The following BICD1 variants were observed in gnomAD, a reference collection of about 807,000 sequenced individuals.
The protein encoded by BICD1 is protein bicaudal D homolog 1.
BICD1 carries 35 observed loss-of-function variants against 92.5 expected under a neutral mutation model. That is an observed-to-expected ratio of 0.38 (90% CI 0.29 to 0.50). The LOEUF (loss-of-function observed/expected upper bound fraction) is 0.50, where lower values mean the gene tolerates loss of function less well. BICD1 is among the 20% of genes least tolerant of loss of function. BICD1 has a pLI of 0.93. For missense variants in BICD1, 950 were observed against 1,189.8 expected, an observed-to-expected ratio of 0.80 and a Z score of 2.97; for synonymous variants, 429 against 465.1, an observed-to-expected ratio of 0.92 and a Z score of 1.00.
chr12:32,145,403 T>C (rs898005872), intron 1 of BICD1, among the ~76,000 whole-genome samples: 3 of 152,228 alleles, frequency 2.0e-5, no homozygotes, highest in Non-Finnish European at 4.4e-5. Context: ...CCTATTTCTT[T>C]TTTCTTTTGA....
intron 1 of BICD1, among the ~76,000 whole-genome samples, chr12:32,190,370 G>C (rs1944532847): frequency 6.6e-6 from 1 of 152,138 alleles, no homozygotes; most frequent in Non-Finnish European, 1.5e-5. Flanking sequence ...TAGACTTAAG[G>C]ACATACATAG....
At chr12:32,327,073 G>A (rs261890) in intron 4 of BICD1, among the ~76,000 whole-genome samples, 91,433 of 151,888 alleles carry the variant, frequency 0.6, 28,108 homozygotes, top group Middle Eastern at 0.69. Flanking sequence ...AGTCACTTAT[G>A]ATCTGAAAAG....
At chr12:32,234,179 G>T (rs1385326310) in intron 2 of BICD1, among the ~76,000 whole-genome samples, 1 of 152,070 alleles carries the variant, frequency 6.6e-6, no homozygotes, top group Non-Finnish European at 1.5e-5. Context: ...ATCTCATAAG[G>T]CAGGCTATAT....
intron 2 of BICD1, among the ~76,000 whole-genome samples, chr12:32,253,488 T>G (rs1946620307): frequency 6.6e-6 from 1 of 151,294 alleles, no homozygotes; most frequent in Non-Finnish European, 1.5e-5. Flanking sequence ...AGGCCGTGGA[T>G]TCTTTTTTTT....
chr12:32,334,440 A>G (rs1370173495), intron 5 of BICD1, 76 bp from the exon 6 acceptor site: 67 of 1,386,472 alleles, frequency 4.8e-5, no homozygotes, highest in Non-Finnish European at 6.2e-5. Flanking sequence ...AGAACATAAT[A>G]GGCACAGCAT....
chr12:32,178,216 G>C (rs114639501), intron 1 of BICD1, among the ~76,000 whole-genome samples: 1 of 151,880 alleles, frequency 6.6e-6, no homozygotes. Context: ...ATTTGTCACC[G>C]TCAGAGCTCA....
intron 2 of BICD1, among the ~76,000 whole-genome samples, chr12:32,280,065 G>A (rs145937379): frequency 0.033 from 5,010 of 151,944 alleles, 278 homozygotes; most frequent in African/African-American, 0.11. Flanking sequence ...GCCATTGCAC[G>A]CCAGCCTGGG....
intron 4 of BICD1, among the ~76,000 whole-genome samples, chr12:32,317,248 T>G (rs1365985970): frequency 6.6e-6 from 1 of 152,146 alleles, no homozygotes; most frequent in Non-Finnish European, 1.5e-5. Flanking sequence ...GGTCAAATGG[T>G]ATTTCTAGTT....
At chr12:32,376,879 G>A (rs1485707616) in intron 9 of BICD1, among the ~76,000 whole-genome samples, 4 of 32,754 alleles carry the variant, frequency 1.2e-4, no homozygotes, top group Non-Finnish European at 2.0e-4. Flanking sequence ...AAAAAAAAGG[G>A]GGGGGGGGGT....
intron 2 of BICD1, among the ~76,000 whole-genome samples, chr12:32,278,190 T>C (rs1947325246): frequency 6.6e-6 from 1 of 152,208 alleles, no homozygotes; most frequent in Non-Finnish European, 1.5e-5. Context: ...TTCACATCTG[T>C]TTAGTGTATT....
At position 32,318,009 on chromosome 12, in the gene BICD1, A is replaced by G. The variant is rs530531565; in HGVS notation, c.1006-9452A>G. Reference sequence around the variant, plus strand: ...CTTGTTTTTCTCAGGTTTGTCAAAGATCAGATAGTTGTAGATATGCAGCAT... The same window carrying G: ...CTTGTTTTTCTCAGGTTTGTCAAAGGTCAGATAGTTGTAGATATGCAGCAT... On this transcript the variant is annotated intron_variant, in intron 4 of 9. Coordinates refer to ENST00000652176, the MANE Select transcript of BICD1 (RefSeq NM_001714.4). Among the ~76,000 whole-genome samples, 1,034 of 152,040 alleles carry G rather than the reference A, an allele frequency of 6.8e-3. 38 individuals are homozygous for G. Among genetic ancestry groups the G allele is most frequent in the Admixed American group, 0.062 (953 of 15,292 alleles).
intron 8 of BICD1, among the ~76,000 whole-genome samples, chr12:32,343,563 C>G (rs892948602): frequency 2.0e-5 from 3 of 152,184 alleles, no homozygotes; most frequent in Non-Finnish European, 4.4e-5. Flanking sequence ...ATAGCCTAAG[C>G]AGCTTGCTCT....
At position 32,337,732 on chromosome 12, in the gene BICD1, T is replaced by C; in HGVS notation, c.2486T>C (p.Val829Ala). The C allele has an allele frequency of 6.2e-7, 1 of 1,614,172 alleles. No homozygotes were observed. The highest frequency in any genetic ancestry group is 8.5e-7 in the Non-Finnish European group (1 of 1,180,030). Reference protein sequence around the residue: ...PKVSGEASVTVPTIDTYLLHS... With the variant: ...PKVSGEASVTAPTIDTYLLHS... ...GTAAGTGGGGAGGCATCAGTCACCG[T>C]GCCCACCATAGACACTTACCTCCTG... The change falls in exon 7 of 10, where the codon GTG (valine) becomes GCG (alanine). Residue 829 changes from valine to alanine, a missense_variant. By Grantham distance (64) the Val-to-Ala change is moderately conservative. Transcript: ENST00000652176. The surrounding 1 kb of genome is among the most constrained non-coding windows in gnomAD (Gnocchi z 4.7).
At chr12:32,327,427 G>A (rs940294230) in intron 4 of BICD1, 34 bp from the exon 5 acceptor site, 1 of 1,569,426 alleles carries the variant, frequency 6.4e-7, no homozygotes, top group South Asian at 1.2e-5. Context: ...GTGCTGCCTT[G>A]AGGTGATTCA....
At chr12:32,116,940 C>G (rs547453444) in intron 1 of BICD1, among the ~76,000 whole-genome samples, 44 of 151,808 alleles carry the variant, frequency 2.9e-4, no homozygotes, top group African/African-American at 1.1e-3. Context: ...TTGGTCCAAA[C>G]TCACTTTTCT....
chr12:32,151,891 A>G (rs1270278595), intron 1 of BICD1, among the ~76,000 whole-genome samples: 1 of 152,146 alleles, frequency 6.6e-6, no homozygotes, highest in Non-Finnish European at 1.5e-5. Context: ...GAGGCTTCAC[A>G]GTTCCTGAGA....
At chr12:32,295,556 CTGAT>C (rs139495059) in intron 3 of BICD1, among the ~76,000 whole-genome samples, 3 of 151,028 alleles carry the variant, frequency 2.0e-5, no homozygotes, top group African/African-American at 4.9e-5. Flanking sequence ...ACATGATACA[CTGAT>C]TGATTGATTG....
intron 9 of BICD1, among the ~76,000 whole-genome samples, chr12:32,370,272 C>A (rs754227417): frequency 7.3e-5 from 11 of 151,002 alleles, no homozygotes; most frequent in Non-Finnish European, 1.3e-4. Context: ...GAGGCTGAGG[C>A]AGGAGAATCA....
At chr12:32,209,202 T>C (rs1945145285) in intron 1 of BICD1, among the ~76,000 whole-genome samples, 1 of 152,188 alleles carries the variant, frequency 6.6e-6, no homozygotes, top group African/African-American at 2.4e-5. Flanking sequence ...TTCCATGCCT[T>C]AATAAGGATT....
Sources: gnomAD v4.1 joint callset for allele counts (sites outside exome capture counted in the v4.1 genomes callset) on GRCh38, gnomAD v4.1.1 for gene constraint, Gnocchi (gnomAD v3.1) non-coding constraint, MANE v1.5 for transcripts, NCBI Gene and HGNC (gene_info 2026-07-23, HGNC 2026-07-21) for gene names.